The following ANO4 variants were observed in gnomAD, a reference collection of about 807,000 sequenced individuals.
ANO4 encodes the protein anoctamin-4.
ANO4 carries 69 observed loss-of-function variants against 141.9 expected under a neutral mutation model. The observed-to-expected ratio is 0.49, with a 90% CI of 0.40 to 0.59. The LOEUF is 0.59. Ranked by LOEUF, ANO4 falls within the 20% of genes least tolerant of loss-of-function variation. ANO4 has a pLI of 0.00. For synonymous variants in ANO4, 350 were observed against 394.3 expected, an observed-to-expected ratio of 0.89 and a Z score of 1.33; for missense variants, 894 against 1,162.2, an observed-to-expected ratio of 0.77 and a Z score of 3.36.
At chr12:100,844,451 T>G (rs564360067) in intron 1 of ANO4, among the ~76,000 whole-genome samples, 1 of 152,228 alleles carries the variant, frequency 6.6e-6, no homozygotes, top group South Asian at 2.1e-4. Flanking sequence ...GATGTGAGGA[T>G]GCCAGTTAAG....
upstream of ANO4, among the ~76,000 whole-genome samples, chr12:100,792,415 C>G (rs1262164959): frequency 2.0e-5 from 3 of 152,102 alleles, no homozygotes; most frequent in Non-Finnish European, 4.4e-5. Context: ...TGATTGAGAA[C>G]CTATTATATG....
chr12:100,759,539 T>G (rs1359116815), intron 3 of ANO4, among the ~76,000 whole-genome samples: 1 of 152,184 alleles, frequency 6.6e-6, no homozygotes, highest in Non-Finnish European at 1.5e-5. Context: ...TTGAGCTAAC[T>G]TGGTAAGACC....
chr12:101,016,251 T>C (rs2046312578), intron 8 of ANO4, among the ~76,000 whole-genome samples: 2 of 152,246 alleles, frequency 1.3e-5, no homozygotes. Context: ...AATCTGCTCC[T>C]GGTGAGGACT....
intron 2 of ANO4, among the ~76,000 whole-genome samples, chr12:100,905,061 G>A (rs1336559968): frequency 6.6e-6 from 1 of 152,170 alleles, no homozygotes; most frequent in Non-Finnish European, 1.5e-5. Flanking sequence ...AAGGCTGCAA[G>A]AGAAGCAGAT....
intron 1 of ANO4, among the ~76,000 whole-genome samples, chr12:100,719,229 C>T (rs1360566535): frequency 6.6e-6 from 1 of 152,182 alleles, no homozygotes; most frequent in Non-Finnish European, 1.5e-5. Flanking sequence ...ACATTCTCCT[C>T]CTGCATCCAT....
chr12:100,864,098 A>G (rs1453759104), intron 1 of ANO4, among the ~76,000 whole-genome samples: 2 of 152,196 alleles, frequency 1.3e-5, no homozygotes, highest in Non-Finnish European at 2.9e-5. Flanking sequence ...CAGTGACTCC[A>G]GCCATCCAAA....
intron 2 of ANO4, among the ~76,000 whole-genome samples, chr12:100,920,861 T>TA (rs1390334135): frequency 1.3e-5 from 2 of 152,190 alleles, no homozygotes; most frequent in Non-Finnish European, 2.9e-5. Flanking sequence ...GTAATACCTG[T>TA]AGCTGCTATT....
chr12:100,979,734 A>ATT (rs970167518), intron 7 of ANO4, among the ~76,000 whole-genome samples: 2 of 147,890 alleles, frequency 1.4e-5, no homozygotes, highest in African/African-American at 4.9e-5. Flanking sequence ...TCTTTTATTT[A>ATT]TTTTTTTTTT....
At chr12:100,895,561 G>GTTTTT (rs201323252) in intron 1 of ANO4, among the ~76,000 whole-genome samples, 31 of 131,112 alleles carry the variant, frequency 2.4e-4, no homozygotes, top group African/African-American at 7.9e-4. Context: ...TCTGAGCTTT[G>GTTTTT]TTTTTTTTTT....
intron 1 of ANO4, among the ~76,000 whole-genome samples, chr12:100,721,178 A>AC (rs113620737): frequency 0.063 from 9,613 of 152,056 alleles, 493 homozygotes; most frequent in Admixed American, 0.17. Context: ...GTCCAAAACA[A>AC]CCCCCATCTT....
chr12:101,073,339 G>A (rs568447896), intron 14 of ANO4, among the ~76,000 whole-genome samples: 32 of 152,028 alleles, frequency 2.1e-4, no homozygotes, highest in African/African-American at 6.8e-4. Context: ...ACCAAACACC[G>A]CATGTTCTCA....
chr12:101,121,964 C>G (rs2051115433), intron 26 of ANO4, among the ~76,000 whole-genome samples: 1 of 151,868 alleles, frequency 6.6e-6, no homozygotes, highest in South Asian at 2.1e-4. Flanking sequence ...GTTTCACTGT[C>G]TTGGCCAGGC....
chr12:101,089,686 G>A (rs1380050711), intron 17 of ANO4, among the ~76,000 whole-genome samples: 1 of 152,122 alleles, frequency 6.6e-6, no homozygotes, highest in Admixed American at 6.6e-5. Context: ...GTGTGGCATG[G>A]GCAAAGGCTT....
rs965666765 is a variant in ANO4 at position 100,894,239 on chromosome 12, A to G, written c.-140-7407A>G. Among the ~76,000 whole-genome samples the G allele has an allele frequency of 8.5e-5, 13 of 152,096 alleles. 1 individual carries two copies. Among genetic ancestry groups the G allele is most frequent in the African/African-American group, 3.1e-4 (13 of 41,364 alleles). On this transcript the variant is annotated intron_variant, in intron 1 of 27. Transcript: ENST00000392977. ...CTAATCTGTCAAATAGCCTGACACT[A>G]AGTGAGAAGAGAAATAAAAGGAGGC...
intron 18 of ANO4, among the ~76,000 whole-genome samples, chr12:101,095,510 T>C (rs984642999): frequency 2.6e-5 from 4 of 152,164 alleles, no homozygotes; most frequent in Non-Finnish European, 5.9e-5. Flanking sequence ...CCTTTAAGAA[T>C]CCTGTGTCTT....
At chr12:101,042,817 T>A (rs553068103) in intron 12 of ANO4, among the ~76,000 whole-genome samples, 4 of 152,218 alleles carry the variant, frequency 2.6e-5, no homozygotes, top group African/African-American at 9.6e-5. Context: ...AATTCTCTCT[T>A]ATGAATTCTG....
upstream of ANO4, among the ~76,000 whole-genome samples, chr12:100,790,532 C>A (rs2034009498): frequency 6.6e-6 from 1 of 152,084 alleles, no homozygotes; most frequent in Non-Finnish European, 1.5e-5. Context: ...AATGCACACG[C>A]TAATTTTCTA....
chr12:100,731,872 C>T (rs563331616), intron 1 of ANO4, among the ~76,000 whole-genome samples: 4 of 152,238 alleles, frequency 2.6e-5, no homozygotes, highest in Non-Finnish European at 4.4e-5. Flanking sequence ...TCTGGATATA[C>T]CACAGTTTTA....
At chr12:101,112,352 G>A (rs181280631) in intron 24 of ANO4, among the ~76,000 whole-genome samples, 10 of 152,284 alleles carry the variant, frequency 6.6e-5, no homozygotes, top group South Asian at 4.1e-4. Flanking sequence ...GCCAGGGCAC[G>A]CTATATATGG....
Sources: gnomAD v4.1 joint callset for allele counts (sites outside exome capture counted in the v4.1 genomes callset) on GRCh38, gnomAD v4.1.1 for gene constraint, MANE v1.5 for transcripts, NCBI Gene and HGNC (gene_info 2026-07-23, HGNC 2026-07-21) for gene names.